The following BLTP1 variants were observed in gnomAD, a reference collection of about 807,000 sequenced individuals.
The protein encoded by BLTP1 is bridge-like lipid transfer protein family member 1, also known as fragile site-associated protein.
chr4:122,196,712 C>T, the BLTP1 span: 3 of 1,611,004 alleles, frequency 1.9e-6, no homozygotes, highest in Non-Finnish European at 2.5e-6. Context: ...CCTGGGAGAC[C>T]AAGACAGATC....
the BLTP1 span, chr4:122,347,767 G>A: frequency 6.2e-7 from 1 of 1,613,028 alleles, no homozygotes; most frequent in South Asian, 1.1e-5. Context: ...TGATTCTTCA[G>A]TTCCTCGAAG....
chr4:122,316,994 G>A, the BLTP1 span: 1 of 573,952 alleles, frequency 1.7e-6, no homozygotes, highest in South Asian at 2.6e-5. Flanking sequence ...AGGGTCCAGA[G>A]TTGTTTAATA....
the BLTP1 span, among the ~76,000 whole-genome samples, chr4:122,317,612 A>G: frequency 9.9e-5 from 15 of 150,902 alleles, no homozygotes; most frequent in African/African-American, 3.6e-4. Flanking sequence ...CATCTTTTCT[A>G]ATCTGCATAT....
the BLTP1 span, chr4:122,333,725 C>T: frequency 2.9e-5 from 47 of 1,612,152 alleles, no homozygotes; most frequent in African/African-American, 1.1e-4. Flanking sequence ...ATTTAATGAC[C>T]GGCAAGAAAG....
chr4:122,348,538 G>A, the BLTP1 span: 2 of 1,546,496 alleles, frequency 1.3e-6, no homozygotes, highest in Admixed American at 3.9e-5. Flanking sequence ...TTATGTGAAT[G>A]AACATGTATT....
chr4:122,340,771 A>G, the BLTP1 span: 3 of 983,106 alleles, frequency 3.1e-6, no homozygotes, highest in Non-Finnish European at 3.6e-6. Context: ...TTGTAGTGGT[A>G]GTGTTGGTTT....
chr4:122,292,061 C>T, the BLTP1 span, among the ~76,000 whole-genome samples: 1 of 150,274 alleles, frequency 6.7e-6, no homozygotes, highest in East Asian at 2.0e-4. Flanking sequence ...ACCTCTACCT[C>T]CCGGGTTCAG....
At chr4:122,357,403 A>G in the BLTP1 span, among the ~76,000 whole-genome samples, 1 of 151,966 alleles carries the variant, frequency 6.6e-6, no homozygotes, top group Non-Finnish European at 1.5e-5. Flanking sequence ...TTTCTACAAA[A>G]AATACAAAAA....
the BLTP1 span, among the ~76,000 whole-genome samples, chr4:122,212,404 A>G: frequency 3.9e-5 from 6 of 152,150 alleles, no homozygotes; most frequent in Non-Finnish European, 7.4e-5. Context: ...TTGAGATTGC[A>G]TGTGAATAAC....
chr4:122,219,643 C>A, the BLTP1 span: 2 of 1,009,102 alleles, frequency 2.0e-6, no homozygotes, highest in Non-Finnish European at 3.0e-6. Flanking sequence ...GCATTCAGCA[C>A]ACACTTAGAA....
the BLTP1 span, chr4:122,197,339 G>T: frequency 8.3e-7 from 1 of 1,200,134 alleles, no homozygotes; most frequent in South Asian, 1.9e-5. Context: ...AATAAAGTTT[G>T]TTAATCATCT....
At chr4:122,269,707 G>T in the BLTP1 span, 2 of 983,962 alleles carry the variant, frequency 2.0e-6, no homozygotes, top group Non-Finnish European at 2.4e-6. Context: ...GTATGAATAT[G>T]TATAACTCTC....
the BLTP1 span, chr4:122,236,885 A>AG: frequency 1.0e-6 from 1 of 985,232 alleles, no homozygotes; most frequent in African/African-American, 1.7e-5. Flanking sequence ...TAACCCCTAC[A>AG]TACGTACCTG....
chr4:122,243,936 C>G, the BLTP1 span: 1 of 1,610,628 alleles, frequency 6.2e-7, no homozygotes, highest in Non-Finnish European at 8.5e-7. Flanking sequence ...CCTGGATCAA[C>G]CAGTGTCCCA....
chr4:122,250,265 A>G, the BLTP1 span: 1 of 1,288,166 alleles, frequency 7.8e-7, no homozygotes, highest in Non-Finnish European at 1.1e-6. Context: ...TGGTGAGAAA[A>G]AAATAGTCTT....
the BLTP1 span, among the ~76,000 whole-genome samples, chr4:122,310,300 T>C: frequency 1.4e-4 from 21 of 152,238 alleles, no homozygotes; most frequent in South Asian, 3.1e-3. Flanking sequence ...GGTTTTAATG[T>C]GTAGGGAAGG....
the BLTP1 span, chr4:122,263,252 C>A: frequency 1.0e-6 from 1 of 984,432 alleles, no homozygotes; most frequent in South Asian, 4.7e-5. Context: ...CATAGAATTT[C>A]CCCTGTTATA....
At chr4:122,335,805 T>C in the BLTP1 span, among the ~76,000 whole-genome samples, 1 of 152,124 alleles carries the variant, frequency 6.6e-6, no homozygotes, top group Non-Finnish European at 1.5e-5. Flanking sequence ...GGAAGCATTA[T>C]AAATACATGC....
At chr4:122,207,223 C>T in the BLTP1 span, 1 of 1,611,790 alleles carries the variant, frequency 6.2e-7, no homozygotes, top group Non-Finnish European at 8.5e-7. Flanking sequence ...GGCTGCTAAT[C>T]AACACAATTG....
Sources: allele counts gnomAD v4.1 joint callset (sites outside exome capture counted in the v4.1 genomes callset), GRCh38; gene constraint gnomAD v4.1.1; transcripts MANE v1.5; gene names NCBI Gene and HGNC (gene_info 2026-07-23, HGNC 2026-07-21).